Variants in FAM171A1 observed in about 807,000 individuals in gnomAD.
FAM171A1 encodes family with sequence similarity 171 member A1.
Under a neutral mutation model 74.9 loss-of-function variants are expected in FAM171A1, and 23 were observed. The ratio of observed to expected loss-of-function variants is 0.31; its 90% CI spans 0.22 to 0.44. The LOEUF (loss-of-function observed/expected upper bound fraction) is 0.44. Among genes scored for constraint, FAM171A1 ranks in the 20% least tolerant of loss-of-function variants. FAM171A1 has a pLI of 1.00. For synonymous variants in FAM171A1, 527 were observed against 505.7 expected (o/e 1.04, Z -0.57); for missense variants, 1,162 against 1,159.2 (o/e 1.00, Z -0.03).
At chr10:15,269,057 CA>C (rs1834786889) in intron 3 of FAM171A1, among the ~76,000 whole-genome samples, 2 of 151,976 alleles carry the variant, frequency 1.3e-5, no homozygotes, top group South Asian at 2.1e-4. Flanking sequence ...AACAAACAAA[CA>C]AACAAACAAA....
intron 3 of FAM171A1, among the ~76,000 whole-genome samples, chr10:15,271,008 G>A (rs905190609): frequency 1.3e-5 from 2 of 152,218 alleles, no homozygotes; most frequent in Non-Finnish European, 2.9e-5. Context: ...CGCCAGCAAT[G>A]GAACAAAGCT....
chr10:15,370,782 G>A (rs1450334948), intron 1 of FAM171A1, among the ~76,000 whole-genome samples, 174 bp downstream of exon 1: 1 of 135,480 alleles, frequency 7.4e-6, no homozygotes, highest in Non-Finnish European at 1.6e-5. Context: ...GCCGGCCCGC[G>A]CCGCCCCCTC....
chr10:15,235,345 C>G (rs1329193915), intron 5 of FAM171A1, among the ~76,000 whole-genome samples: 1 of 147,012 alleles, frequency 6.8e-6, no homozygotes, highest in Non-Finnish European at 1.5e-5. Flanking sequence ...GATATCCAGT[C>G]AGCTGAGTCG....
chr10:15,372,758 A>C (rs547882887), upstream of FAM171A1, among the ~76,000 whole-genome samples: 8 of 151,864 alleles, frequency 5.3e-5, no homozygotes, highest in East Asian at 1.9e-4. Context: ...CACACAAAAC[A>C]AAACCAAACC....
intron 1 of FAM171A1, among the ~76,000 whole-genome samples, chr10:15,353,533 C>G (rs927033407): frequency 6.6e-6 from 1 of 152,184 alleles, no homozygotes; most frequent in African/African-American, 2.4e-5. Flanking sequence ...AACATTATCT[C>G]ATGAGCATTG....
At chr10:15,228,347 T>A (rs935413501) in intron 5 of FAM171A1, among the ~76,000 whole-genome samples, 2 of 151,036 alleles carry the variant, frequency 1.3e-5, no homozygotes, top group African/African-American at 4.9e-5. Flanking sequence ...TTTTTTTTTT[T>A]TTTTTTTTTT....
At chr10:15,307,411 G>C (rs926160997) in intron 1 of FAM171A1, among the ~76,000 whole-genome samples, 2 of 152,038 alleles carry the variant, frequency 1.3e-5, no homozygotes, top group African/African-American at 4.8e-5. Context: ...TTGGAAGGTT[G>C]AGGCGGGTGG....
At chr10:15,352,380 G>A (rs1434311114) in intron 1 of FAM171A1, among the ~76,000 whole-genome samples, 2 of 152,178 alleles carry the variant, frequency 1.3e-5, no homozygotes, top group African/African-American at 4.8e-5. Context: ...TGTGAAACAG[G>A]AATGGGCCTC....
intron 1 of FAM171A1, among the ~76,000 whole-genome samples, chr10:15,338,756 A>AT (rs1564284292): frequency 1.3e-5 from 2 of 151,934 alleles, no homozygotes. Flanking sequence ...ATTTTATTTT[A>AT]TTTTTTGAGA....
intron 1 of FAM171A1, among the ~76,000 whole-genome samples, chr10:15,298,502 A>T (rs185241032): frequency 6.6e-6 from 1 of 152,352 alleles, no homozygotes; most frequent in Non-Finnish European, 1.5e-5. Context: ...TCTATATGAA[A>T]ATAGGATTAC....
intron 1 of FAM171A1, among the ~76,000 whole-genome samples, chr10:15,370,249 T>C (rs867323828): frequency 3.8e-4 from 57 of 150,740 alleles, no homozygotes; most frequent in African/African-American, 1.2e-3. Context: ...TCTTTTTTTT[T>C]TTTTTTTTTT....
chr10:15,295,152 G>T (rs1278829785), intron 1 of FAM171A1, among the ~76,000 whole-genome samples: 1 of 152,000 alleles, frequency 6.6e-6, no homozygotes, highest in African/African-American at 2.4e-5. Flanking sequence ...TGGCCAGACT[G>T]GTCTTGAACT....
At chr10:15,284,624 G>C (rs1237632774) in intron 1 of FAM171A1, among the ~76,000 whole-genome samples, 1 of 152,122 alleles carries the variant, frequency 6.6e-6, no homozygotes, top group African/African-American at 2.4e-5. Context: ...ATGTTGCAAA[G>C]GCTGGTTTCA....
At chr10:15,269,696 T>C (rs1372956639) in intron 3 of FAM171A1, among the ~76,000 whole-genome samples, 1 of 152,216 alleles carries the variant, frequency 6.6e-6, no homozygotes, top group African/African-American at 2.4e-5. Flanking sequence ...GCAGAGGCAG[T>C]GCCCTGGACT....
intron 5 of FAM171A1, among the ~76,000 whole-genome samples, chr10:15,228,855 C>T (rs1345182507): frequency 1.3e-5 from 2 of 152,214 alleles, no homozygotes; most frequent in Admixed American, 1.3e-4. Flanking sequence ...CTGAACGTCC[C>T]TGTGACATCA....
chr10:15,223,382 T>C (rs1834064216), intron 5 of FAM171A1, among the ~76,000 whole-genome samples: 1 of 152,188 alleles, frequency 6.6e-6, no homozygotes, highest in Non-Finnish European at 1.5e-5. Flanking sequence ...GAAAGGGCTG[T>C]GCATTCTTTG....
intron 1 of FAM171A1, among the ~76,000 whole-genome samples, chr10:15,330,373 C>T (rs943211705): frequency 4.6e-5 from 7 of 152,018 alleles, no homozygotes; most frequent in Non-Finnish European, 8.8e-5. Flanking sequence ...TCATGATCCT[C>T]TCATATTTTT....
chr10:15,365,259 C>T (rs978408797), intron 1 of FAM171A1, among the ~76,000 whole-genome samples: 4 of 152,244 alleles, frequency 2.6e-5, no homozygotes, highest in Admixed American at 2.6e-4. Context: ...GATTTTGAGT[C>T]TGGTTAACAG....
chr10:15,240,359 T>TCACACA (rs79640392), intron 5 of FAM171A1, among the ~76,000 whole-genome samples: 1 of 151,658 alleles, frequency 6.6e-6, no homozygotes, highest in Non-Finnish European at 1.5e-5. Flanking sequence ...AGACACCATC[T>TCACACA]CACACACACA....
Sources: gnomAD v4.1 joint callset for allele counts (sites outside exome capture counted in the v4.1 genomes callset) on GRCh38, gnomAD v4.1.1 for gene constraint, MANE v1.5 for transcripts, NCBI Gene and HGNC (gene_info 2026-07-23, HGNC 2026-07-21) for gene names.